The following FGD3 variants were observed in gnomAD, a reference collection of about 807,000 sequenced individuals.
FGD3 encodes the protein FYVE, RhoGEF and PH domain containing 3.
In FGD3, 45 loss-of-function variants were observed where a neutral mutation model predicts 71.8. The ratio of observed to expected loss-of-function variants is 0.63; its 90% CI spans 0.49 to 0.80. FGD3 has a LOEUF of 0.80. FGD3 is among the 30% of genes least tolerant of loss of function. The pLI, the probability that FGD3 is intolerant of heterozygous loss-of-function variation, is 0.00. For missense variants in FGD3, 844 were observed against 951.5 expected (o/e 0.89, Z 1.49); for synonymous variants, 378 against 392.8 (o/e 0.96, Z 0.44).
intron 1 of FGD3, among the ~76,000 whole-genome samples, chr9:92,971,433 C>T (rs989813864): frequency 7.2e-5 from 11 of 152,020 alleles, no homozygotes; most frequent in African/African-American, 2.7e-4. Context: ...CCTCACCTCT[C>T]CTCATGATCC....
intron 16 of FGD3, 57 bp downstream of exon 16, chr9:93,032,930 C>A: frequency 6.8e-7 from 1 of 1,479,940 alleles, no homozygotes; most frequent in Non-Finnish European, 9.5e-7. Flanking sequence ...CTCCAGACAC[C>A]TGCTCCTGTG....
chr9:93,035,311 C>T (rs200689904), intron 17 of FGD3, 27 bp from the exon 18 acceptor site: 70 of 1,597,786 alleles, frequency 4.4e-5, no homozygotes, highest in South Asian at 4.3e-4. Context: ...GCTGTGGCCC[C>T]GCTGACCATC....
chr9:92,962,361 G>A (rs1859183734), intron 1 of FGD3, among the ~76,000 whole-genome samples: 1 of 152,190 alleles, frequency 6.6e-6, no homozygotes, highest in South Asian at 2.1e-4. Flanking sequence ...TTCTGGCACA[G>A]GGGACCTCTG....
chr9:93,020,225 C>T (rs1465915180), intron 12 of FGD3, 92 bp from the exon 13 acceptor site: 3 of 1,240,470 alleles, frequency 2.4e-6, no homozygotes, highest in East Asian at 2.4e-5. Flanking sequence ...ACGCCAAGGC[C>T]CGTCCTCGGG....
At chr9:92,970,512 A>G (rs941993281) in intron 1 of FGD3, among the ~76,000 whole-genome samples, 1 of 152,216 alleles carries the variant, frequency 6.6e-6, no homozygotes, top group African/African-American at 2.4e-5. Flanking sequence ...AGGAACTCTC[A>G]TTGGTTCACA....
intron 1 of FGD3, 99 bp from the exon 2 acceptor site, chr9:92,975,139 G>C (rs1391816041): frequency 6.6e-6 from 1 of 152,342 alleles, no homozygotes; most frequent in Non-Finnish European, 1.5e-5. Context: ...TGGTGGCATG[G>C]AGCTTCCCTC....
At chr9:92,966,118 C>T (rs1859316577) in intron 1 of FGD3, among the ~76,000 whole-genome samples, 2 of 152,222 alleles carry the variant, frequency 1.3e-5, no homozygotes, top group Admixed American at 1.3e-4. Context: ...ACATTTCTCC[C>T]CGTGTCCTGC....
chr9:92,956,580 C>A (rs983597163), intron 1 of FGD3, among the ~76,000 whole-genome samples: 1 of 152,182 alleles, frequency 6.6e-6, no homozygotes, highest in Non-Finnish European at 1.5e-5. Flanking sequence ...AGAGAGGCCT[C>A]AGGAGAAACC....
At chr9:92,987,278 A>C (rs1860223014) in intron 3 of FGD3, among the ~76,000 whole-genome samples, 1 of 151,940 alleles carries the variant, frequency 6.6e-6, no homozygotes. Flanking sequence ...TAAAAATACA[A>C]AAAAATAGCT....
At chr9:92,960,764 T>C (rs1485187928) in intron 1 of FGD3, among the ~76,000 whole-genome samples, 1 of 152,122 alleles carries the variant, frequency 6.6e-6, no homozygotes, top group African/African-American at 2.4e-5. Flanking sequence ...GAAGAGCCCC[T>C]AGGCCAGCTG....
chr9:93,015,181 C>T (rs368638318), intron 9 of FGD3, among the ~76,000 whole-genome samples: 11 of 152,048 alleles, frequency 7.2e-5, no homozygotes, highest in African/African-American at 1.7e-4. Flanking sequence ...TTTGGCTGGA[C>T]GTGGTGGCTC....
At chr9:93,005,992 C>A in intron 5 of FGD3, 32 bp from the exon 6 acceptor site, 1 of 1,570,264 alleles carries the variant, frequency 6.4e-7, no homozygotes, top group Non-Finnish European at 8.7e-7. Flanking sequence ...TTGCACCCAG[C>A]TATTTCTCTG....
intron 1 of FGD3, among the ~76,000 whole-genome samples, chr9:92,963,456 T>C (rs944618674): frequency 9.2e-5 from 14 of 152,086 alleles, no homozygotes; most frequent in Middle Eastern, 3.2e-3. Context: ...TGCGTCACAA[T>C]GCCCAGCTGA....
intron 9 of FGD3, among the ~76,000 whole-genome samples, chr9:93,015,317 G>A (rs1030914657): frequency 1.3e-5 from 2 of 152,224 alleles, no homozygotes; most frequent in Middle Eastern, 3.4e-3. Context: ...TTAGCTGGGC[G>A]TGGTAGCACC....
At chr9:92,986,534 C>G (rs906030210) in intron 3 of FGD3, among the ~76,000 whole-genome samples, 2 of 152,172 alleles carry the variant, frequency 1.3e-5, no homozygotes, top group Non-Finnish European at 2.9e-5. Context: ...TTTGAGAGGG[C>G]GATGTTTATT....
intron 3 of FGD3, among the ~76,000 whole-genome samples, chr9:92,999,224 GC>G (rs1860763434): frequency 6.6e-6 from 1 of 152,210 alleles, no homozygotes. Context: ...ATCTCAGACT[GC>G]TGTGCAAGCA....
rs569667318 is a variant in FGD3, at chr9:93,003,852, G to C, written c.544-149G>C. On this transcript the variant is annotated intron_variant, in intron 4 of 17. Transcript: ENST00000375482. This position sits in a 1 kb window ranked among gnomAD's most constrained non-coding sequence, Gnocchi z 4.1. ...GTTGTCTGAACCAGTTGGATGAAAA[G>C]GGAGGACAATAATTCTGAAATTCAT... is the stretch of plus-strand genomic sequence containing the variant. 4.5e-5 allele frequency: 43 copies of C among 950,140 alleles called. No homozygotes were observed. In the African/African-American group the frequency reaches 6.5e-4, roughly 14 times the overall value. The allele number at this position is 950,140 out of a possible 1,614,324, so 58.9% of individuals were successfully genotyped here.
In FGD3 at chr9:92,976,676, C is replaced by T. The variant is rs774640421; in HGVS notation, c.420C>T (p.Pro140=). 2 of 1,603,644 alleles carry T rather than the reference C, an allele frequency of 1.2e-6. No homozygotes were observed. The highest frequency in any genetic ancestry group is 2.7e-5 in the African/African-American group (2 of 74,730). ...AGGAACCTGACTCTGAGAACACCCC[C>T]CAGAAGGCTGACAAGGATGCCGGCC... ...VGEEPDSENT[P]QKADKDAGLA... The change falls in exon 3 of 18, where the codon CCC becomes CCT. Residue 140 remains proline (P), a synonymous_variant. Transcript: ENST00000375482.
At chr9:92,961,580 A>G (rs1303061257) in intron 1 of FGD3, among the ~76,000 whole-genome samples, 1 of 152,212 alleles carries the variant, frequency 6.6e-6, no homozygotes, top group Non-Finnish European at 1.5e-5. Context: ...TCATGATGAA[A>G]ATACTACATC....
Sources: allele counts gnomAD v4.1 joint callset (sites outside exome capture counted in the v4.1 genomes callset), GRCh38; gene constraint gnomAD v4.1.1; non-coding constraint Gnocchi (gnomAD v3.1); transcripts MANE v1.5; gene names NCBI Gene and HGNC (gene_info 2026-07-23, HGNC 2026-07-21).